The following PCDH11X variants were observed in gnomAD, a reference collection of about 807,000 sequenced individuals.
PCDH11X encodes the protein protocadherin 11 X-linked, also known as protocadherin-11 X-linked.
Under a neutral mutation model 53.3 loss-of-function variants are expected in PCDH11X, and 18 were observed. That is an observed-to-expected ratio of 0.34 (90% CI 0.23 to 0.50). The LOEUF is 0.50. Ranked by LOEUF, PCDH11X falls within the 20% of genes least tolerant of loss-of-function variation. The pLI is 0.98. For missense variants in PCDH11X, 570 were observed against 1,032.4 expected, an observed-to-expected ratio of 0.55 and a Z score of 6.14; for synonymous variants, 279 against 393.3, an observed-to-expected ratio of 0.71 and a Z score of 3.44.
chrX:92,550,705 C>A (rs776642458), intron 10 of PCDH11X, among the ~76,000 whole-genome samples: 2 of 108,949 alleles, frequency 1.8e-5, no homozygotes, highest in African/African-American at 6.6e-5. Context: ...TTTTTGCACT[C>A]ATTAACCATC....
At chrX:92,298,255 C>T (rs1189913802) in intron 8 of PCDH11X, among the ~76,000 whole-genome samples, 1 of 111,797 alleles carries the variant, frequency 8.9e-6, no homozygotes, top group African/African-American at 3.2e-5. Context: ...CCAGCTTTTG[C>T]TCATTCAGTA....
intron 6 of PCDH11X, among the ~76,000 whole-genome samples, chrX:92,038,673 T>C (rs1172756899): frequency 1.9e-5 from 2 of 107,950 alleles, no homozygotes; most frequent in Non-Finnish European, 3.8e-5. Context: ...TTTGGCTGAG[T>C]CCCCACCCAA....
At chrX:92,490,842 G>A (rs747310644) in intron 10 of PCDH11X, among the ~76,000 whole-genome samples, 2 of 109,531 alleles carry the variant, frequency 1.8e-5, no homozygotes, top group South Asian at 3.9e-4. Context: ...GCAAGCAAGC[G>A]GGCATTTGGT....
chrX:92,236,759 G>A (rs1161422006), intron 7 of PCDH11X, among the ~76,000 whole-genome samples: 2 of 110,977 alleles, frequency 1.8e-5, no homozygotes, highest in Non-Finnish European at 3.8e-5. Flanking sequence ...TTGAAAATAT[G>A]GGCATAAATC....
intron 7 of PCDH11X, among the ~76,000 whole-genome samples, chrX:92,205,465 A>G (rs2066458790): frequency 9.0e-6 from 1 of 111,460 alleles, no homozygotes; most frequent in Admixed American, 9.6e-5. Context: ...AATTTCAAAT[A>G]AGCACCTTAA....
intron 6 of PCDH11X, among the ~76,000 whole-genome samples, chrX:92,120,691 A>T (rs1211936881): frequency 1.8e-5 from 2 of 112,041 alleles, no homozygotes; most frequent in Non-Finnish European, 3.8e-5. Context: ...GGTGGAAGCT[A>T]ATGTCTTGGT....
intron 6 of PCDH11X, among the ~76,000 whole-genome samples, chrX:92,151,471 C>T (rs2065433499): frequency 1.8e-5 from 2 of 111,733 alleles, no homozygotes; most frequent in South Asian, 3.7e-4. Flanking sequence ...GGATTACAGG[C>T]TTGAGCCACC....
chrX:92,411,658 T>C (rs1467202178), intron 9 of PCDH11X, among the ~76,000 whole-genome samples: 1 of 108,601 alleles, frequency 9.2e-6, no homozygotes, highest in Admixed American at 1.0e-4. Context: ...AAGTGCCATA[T>C]TTTCTTTATC....
intron 1 of PCDH11X, among the ~76,000 whole-genome samples, chrX:91,804,368 G>A (rs1936029268): frequency 9.4e-6 from 1 of 106,202 alleles, no homozygotes; most frequent in African/African-American, 3.4e-5. Flanking sequence ...AAAAAATAAA[G>A]ACTGTTTAAA....
intron 6 of PCDH11X, among the ~76,000 whole-genome samples, chrX:91,972,186 C>G (rs2061970591): frequency 9.7e-6 from 1 of 103,293 alleles, no homozygotes; most frequent in Non-Finnish European, 2.0e-5. Flanking sequence ...ATTTGCATTT[C>G]TCTGATGGCC....
intron 6 of PCDH11X, among the ~76,000 whole-genome samples, chrX:92,051,930 A>T: frequency 9.2e-6 from 1 of 108,704 alleles, no homozygotes; most frequent in Non-Finnish European, 1.9e-5. Context: ...TTGAAATGTA[A>T]ATACCATTGT....
At chrX:92,368,440 A>G (rs1371623682) in intron 8 of PCDH11X, among the ~76,000 whole-genome samples, 1 of 111,713 alleles carries the variant, frequency 9.0e-6, no homozygotes, top group African/African-American at 3.3e-5. Context: ...GGCTTAAAAC[A>G]CACTCCTTTA....
intron 6 of PCDH11X, among the ~76,000 whole-genome samples, chrX:92,176,687 C>T (rs769029459): frequency 5.4e-5 from 6 of 111,541 alleles, no homozygotes; most frequent in African/African-American, 2.0e-4. Flanking sequence ...ATAAGCATAC[C>T]CACATGCGAC....
intron 10 of PCDH11X, among the ~76,000 whole-genome samples, chrX:92,570,891 G>A (rs1569505698): frequency 9.1e-6 from 1 of 109,885 alleles, no homozygotes; most frequent in Non-Finnish European, 1.9e-5. Context: ...ACGGTATTAT[G>A]GGGAATGCAT....
At chrX:92,463,723 T>TA (rs1485031597) in intron 9 of PCDH11X, among the ~76,000 whole-genome samples, 4 of 111,256 alleles carry the variant, frequency 3.6e-5, no homozygotes, top group African/African-American at 9.8e-5. Flanking sequence ...ACTGTCAACA[T>TA]AAAAAAATGA....
At position 92,247,521 on chromosome X, in the gene PCDH11X, A is replaced by C. The variant is rs759940120; in HGVS notation, c.3115-15593A>C. Among the ~76,000 whole-genome samples the C allele has an allele frequency of 1.3e-4, 14 of 111,626 alleles. No individual in the cohort carries two copies. The South Asian group carries it at 3.0e-3, about 24-fold the overall frequency. Reference sequence around the variant, plus strand: ...AAACAATAGAAAATTATTCTCTCATAGTTCTGCAGGCTAGAAGTCTGAAAT... The same window carrying C: ...AAACAATAGAAAATTATTCTCTCATCGTTCTGCAGGCTAGAAGTCTGAAAT... On this transcript the variant is annotated intron_variant, in intron 7 of 10. Coordinates refer to ENST00000682573, the MANE Select transcript of PCDH11X (RefSeq NM_032968.5).
At chrX:92,468,022 A>G (rs752765689) in intron 9 of PCDH11X, among the ~76,000 whole-genome samples, 1 of 111,734 alleles carries the variant, frequency 8.9e-6, no homozygotes, top group African/African-American at 3.2e-5. Flanking sequence ...CGTTACGTTT[A>G]ATAACACATT....
chrX:92,399,995 C>T (rs2071350846), intron 9 of PCDH11X, among the ~76,000 whole-genome samples: 1 of 107,075 alleles, frequency 9.3e-6, no homozygotes, highest in Admixed American at 1.0e-4. Flanking sequence ...TCGTGATCCG[C>T]CCGCCTCGGC....
chrX:91,914,505 T>C (rs1345596546), intron 6 of PCDH11X, among the ~76,000 whole-genome samples: 1 of 110,999 alleles, frequency 9.0e-6, no homozygotes, highest in Non-Finnish European at 1.9e-5. Flanking sequence ...TAAAAAACAA[T>C]ATAGGGTATA....
Sources: gnomAD v4.1 joint callset for allele counts (sites outside exome capture counted in the v4.1 genomes callset) on GRCh38, gnomAD v4.1.1 for gene constraint, MANE v1.5 for transcripts, NCBI Gene and HGNC (gene_info 2026-07-23, HGNC 2026-07-21) for gene names.